AFF3: variants seen among roughly 807,000 people sequenced by gnomAD.
The protein encoded by AFF3 is ALF transcription elongation factor 3.
Under a neutral mutation model 129.7 loss-of-function variants are expected in AFF3, and 32 were observed. The observed-to-expected ratio is 0.25, with a 90% CI of 0.19 to 0.33. AFF3 has a LOEUF of 0.33. Ranked by LOEUF, AFF3 falls within the 10% of genes least tolerant of loss-of-function variation. The probability of loss-of-function intolerance (pLI) is 1.00; values close to 1 mark genes in which losing one functional copy is unlikely to be tolerated. For missense variants in AFF3, 1,373 were observed against 1,592.0 expected (o/e 0.86, Z 2.34); for synonymous variants, 644 against 635.4 (o/e 1.01, Z -0.20).
At chr2:100,096,801 G>A (rs201811174) in intron 4 of AFF3, among the ~76,000 whole-genome samples, 9,986 of 71,762 alleles carry the variant, frequency 0.14, 844 homozygotes, top group East Asian at 0.25. Context: ...AGCATTCTAC[G>A]TGAAAACAAA....
rs984233053 is a variant in AFF3, at chr2:99,844,434, C to CTTTT, written c.874-6914_874-6911dup. ...CAATACGAGAACTATTTTTTCTTTT[C>CTTTT]TTTTTTTTTTTTTTTTTTTTTGAGA... is the stretch of plus-strand genomic sequence containing the variant. On this transcript the variant is annotated intron_variant, in intron 7 of 24. Coordinates refer to ENST00000672756, the MANE Select transcript of AFF3 (RefSeq NM_001386135.1). 9.1e-3 allele frequency among the ~76,000 whole-genome samples: 843 copies of CTTTT among 92,406 alleles called. 9 individuals carry two copies. The highest frequency in any genetic ancestry group is 0.012 in the East Asian group (34 of 2,872). 60.6% of individuals were successfully genotyped at this position (92,406 alleles called of 152,430 possible). A position where few individuals can be genotyped will look rare whatever the true frequency, so the allele number is the denominator to read the frequency against.
chr2:99,797,880 C>T (rs1685661038), intron 8 of AFF3, among the ~76,000 whole-genome samples: 1 of 152,032 alleles, frequency 6.6e-6, no homozygotes, highest in Non-Finnish European at 1.5e-5. Context: ...AGTTCATAAC[C>T]AGCAGATCCG....
intron 7 of AFF3, among the ~76,000 whole-genome samples, chr2:99,900,451 C>G (rs893167066): frequency 2.0e-5 from 3 of 152,080 alleles, no homozygotes; most frequent in Non-Finnish European, 2.9e-5. Flanking sequence ...TCAGTGACCA[C>G]CCAGGGCTCA....
At chr2:99,730,205 C>T (rs571136963) in intron 10 of AFF3, among the ~76,000 whole-genome samples, 5 of 152,062 alleles carry the variant, frequency 3.3e-5, no homozygotes, top group African/African-American at 7.2e-5. Context: ...AAGGTACCCT[C>T]GCCAGTGAGA....
At chr2:99,645,074 C>A (rs552773047) in intron 13 of AFF3, among the ~76,000 whole-genome samples, 3 of 152,298 alleles carry the variant, frequency 2.0e-5, no homozygotes, top group Admixed American at 1.3e-4. Flanking sequence ...GTGGCTAACA[C>A]CTGTAATCCC....
chr2:100,114,615 C>G (rs1033963901), intron 2 of AFF3, among the ~76,000 whole-genome samples: 1 of 152,200 alleles, frequency 6.6e-6, no homozygotes, highest in African/African-American at 2.4e-5. Flanking sequence ...CTCCTGACCT[C>G]AAGTGATCCA....
chr2:99,566,323 G>A (rs1675962201), intron 19 of AFF3, among the ~76,000 whole-genome samples: 1 of 151,886 alleles, frequency 6.6e-6, no homozygotes, highest in African/African-American at 2.4e-5. Context: ...GAAAGGAGAG[G>A]AGATAAACCT....
chr2:99,915,859 T>A (rs111797766), intron 7 of AFF3, among the ~76,000 whole-genome samples: 1,913 of 152,300 alleles, frequency 0.013, 43 homozygotes, highest in African/African-American at 0.044. Flanking sequence ...AAGAACCAGC[T>A]TCTCTCCTGG....
At position 100,009,158 on chromosome 2, in the gene AFF3, G is replaced by C. The variant is rs1156306618; in HGVS notation, c.54-226C>G. 1.3e-5 allele frequency among the ~76,000 whole-genome samples: 2 copies of C among 152,170 alleles called. 1 individual carries two copies. The highest frequency in any genetic ancestry group is 1.3e-4 in the Admixed American group (2 of 15,280). On this transcript the variant is annotated intron_variant, in intron 4 of 24. Transcript: ENST00000672756. Reference sequence around the variant, plus strand: ...TTAGGACCAGTTCCAACCAGTACTAGGTTTCTCTTCCTGGTATGTGAAAGA... The same window carrying C: ...TTAGGACCAGTTCCAACCAGTACTACGTTTCTCTTCCTGGTATGTGAAAGA...
intron 7 of AFF3, among the ~76,000 whole-genome samples, chr2:99,861,582 C>T (rs1210911119): frequency 6.6e-6 from 1 of 152,184 alleles, no homozygotes; most frequent in Non-Finnish European, 1.5e-5. Flanking sequence ...GTATTCTTGG[C>T]ACTGTTATAA....
chr2:99,831,286 T>C (rs1286795760), intron 8 of AFF3, among the ~76,000 whole-genome samples: 2 of 152,214 alleles, frequency 1.3e-5, no homozygotes, highest in Admixed American at 1.3e-4. Flanking sequence ...ACAATAACTA[T>C]AAAAGTAATC....
chr2:100,135,355 C>T (rs1482767599), intron 1 of AFF3, among the ~76,000 whole-genome samples: 3 of 152,316 alleles, frequency 2.0e-5, no homozygotes, highest in East Asian at 1.9e-4. Context: ...CAATAGAAGA[C>T]GGGATAAAGG....
At chr2:99,995,390 T>G (rs1680744975) in intron 7 of AFF3, among the ~76,000 whole-genome samples, 1 of 152,096 alleles carries the variant, frequency 6.6e-6, no homozygotes, top group African/African-American at 2.4e-5. Flanking sequence ...TTTTTTTTTT[T>G]GAGACGGAGT....
intron 8 of AFF3, among the ~76,000 whole-genome samples, chr2:99,759,242 C>T (rs542142068): frequency 8.5e-5 from 13 of 152,288 alleles, no homozygotes; most frequent in African/African-American, 3.1e-4. Flanking sequence ...CTACACCCAA[C>T]CATTTATCTC....
rs1262009895 is a variant in AFF3 at position 100,007,242 on chromosome 2, G to A, written c.393C>T (p.Ser131=). 1 of 1,613,970 alleles carries A rather than the reference G, an allele frequency of 6.2e-7. No homozygotes were observed. The highest frequency in any genetic ancestry group is 1.3e-5 in the African/African-American group (1 of 74,898). Reference sequence around the variant, plus strand: ...GCTGCACGGGGACAGCTGCTGGTGTGGAAGTTGTAGTGCTACAGATAGACG... The same window carrying A: ...GCTGCACGGGGACAGCTGCTGGTGTAGAAGTTGTAGTGCTACAGATAGACG... The part of the protein sequence containing the change: ...QPSSICSTTT[S]TPAAVPVQQS... Residue 131 remains serine (S), a synonymous_variant, in exon 6 of 25, where the codon TCC becomes TCT. Coordinates refer to ENST00000672756, the MANE Select transcript of AFF3 (RefSeq NM_001386135.1).
chr2:99,854,584 TCATTAATTAC>T (rs1690387143), intron 7 of AFF3, among the ~76,000 whole-genome samples: 6 of 152,302 alleles, frequency 3.9e-5, no homozygotes, highest in Middle Eastern at 6.8e-3. Flanking sequence ...AAACACATAG[TCATTAATTAC>T]AGCTCACAAC....
chr2:100,069,882 T>G (rs1021686009), intron 4 of AFF3, among the ~76,000 whole-genome samples: 2 of 152,182 alleles, frequency 1.3e-5, no homozygotes, highest in Non-Finnish European at 2.9e-5. Context: ...AAGTTTAAAA[T>G]TCATACATAT....
chr2:99,735,515 C>T (rs781685518), intron 10 of AFF3, among the ~76,000 whole-genome samples: 14 of 151,966 alleles, frequency 9.2e-5, no homozygotes, highest in Admixed American at 2.0e-4. Flanking sequence ...TATTTAGAGA[C>T]GGAGTCTCAC....
chr2:99,623,593 G>C (rs1192082357), intron 13 of AFF3, among the ~76,000 whole-genome samples: 1 of 152,232 alleles, frequency 6.6e-6, no homozygotes, highest in Admixed American at 6.5e-5. Flanking sequence ...ACACGGGAGA[G>C]AAGACAATCC....
Sources: gnomAD v4.1 joint callset for allele counts (sites outside exome capture counted in the v4.1 genomes callset) on GRCh38, gnomAD v4.1.1 for gene constraint, MANE v1.5 for transcripts, NCBI Gene and HGNC (gene_info 2026-07-23, HGNC 2026-07-21) for gene names.